The following KBTBD11 variants were observed in gnomAD, a reference collection of about 807,000 sequenced individuals.
KBTBD11 encodes the protein kelch repeat and BTB domain containing 11.
For synonymous variants in KBTBD11, 747 were observed against 499.0 expected (o/e 1.50, Z -6.63); for missense variants, 1,390 against 1,001.8 (o/e 1.39, Z -5.23).
chr8:1,999,772 C>T (rs3824142), intron 1 of KBTBD11, among the ~76,000 whole-genome samples: 3 of 152,022 alleles, frequency 2.0e-5, no homozygotes, highest in East Asian at 3.9e-4. Context: ...AGCATCCTAA[C>T]GCCTTTCTAC....
chr8:1,984,629 A>G (rs1246112448), intron 1 of KBTBD11, among the ~76,000 whole-genome samples: 1 of 150,092 alleles, frequency 6.7e-6, no homozygotes, highest in Non-Finnish European at 1.5e-5. Flanking sequence ...AAAGTCACAC[A>G]TGAACAGCTA....
At chr8:1,977,377 A>C (rs964235236) in intron 1 of KBTBD11, among the ~76,000 whole-genome samples, 2 of 151,876 alleles carry the variant, frequency 1.3e-5, no homozygotes, top group Admixed American at 6.6e-5. Context: ...GTGGGGACAT[A>C]CATATGGGTG....
intron 1 of KBTBD11, chr8:1,975,010 A>T (rs978624041): frequency 3.3e-5 from 5 of 152,264 alleles, no homozygotes; most frequent in African/African-American, 1.2e-4. Flanking sequence ...TCAGGCTCCA[A>T]TTAGGACCCC....
At chr8:1,999,369 A>T (rs894652815) in intron 1 of KBTBD11, among the ~76,000 whole-genome samples, 2 of 152,102 alleles carry the variant, frequency 1.3e-5, no homozygotes, top group Admixed American at 1.3e-4. Flanking sequence ...AGAGCTGAAC[A>T]CGCATTCTGT....
intron 1 of KBTBD11, among the ~76,000 whole-genome samples, chr8:1,984,279 G>GT (rs71211539): frequency 0.18 from 17,885 of 97,966 alleles, 2,919 homozygotes; most frequent in African/African-American, 0.21. Context: ...CTCTAAAAAA[G>GT]TTTTTTTTTT....
intron 1 of KBTBD11, among the ~76,000 whole-genome samples, chr8:1,982,490 C>T (rs533107029): frequency 1.5e-5 from 2 of 131,448 alleles, no homozygotes; most frequent in Non-Finnish European, 3.4e-5. Context: ...ATATAAGACC[C>T]CACTATATGC....
At chr8:1,986,824 A>C (rs1816718857) in intron 1 of KBTBD11, among the ~76,000 whole-genome samples, 1 of 152,130 alleles carries the variant, frequency 6.6e-6, no homozygotes, top group African/African-American at 2.4e-5. Flanking sequence ...ACTAAGATTT[A>C]ATACATGTTA....
intron 1 of KBTBD11, among the ~76,000 whole-genome samples, chr8:1,987,369 T>A (rs563138868): frequency 6.6e-6 from 1 of 152,154 alleles, no homozygotes; most frequent in African/African-American, 2.4e-5. Flanking sequence ...ACAAAACCCA[T>A]CTAGGAGTCG....
intron 1 of KBTBD11, among the ~76,000 whole-genome samples, chr8:1,980,227 A>ATTT (rs1816493598): frequency 3.3e-5 from 2 of 60,440 alleles, no homozygotes. Flanking sequence ...TGATAATCAA[A>ATTT]CTTTTTTTTT....
chr8:2,002,003 G>A lies in KBTBD11; in HGVS notation c.811G>A (p.Ala271Thr). 7.1e-7 allele frequency: 1 copy of A among 1,417,976 alleles called. No individual in the cohort carries two copies. 87.8% of individuals were successfully genotyped at this position (1,417,976 alleles called of 1,614,324 possible). ...CTATCTGGAGGTGCTGCGCGAGCCC[G>A]CCGTGTTCGGCCGCCTGTCGGGCGC... ...DHYLEVLREP[A>T]VFGRLSGAER... Residue 271 changes from alanine to threonine, a missense_variant, in exon 2 of 2, where the codon GCC becomes ACC. Transcript: ENST00000320248. The surrounding 1 kb of genome is among the most constrained non-coding windows in gnomAD (Gnocchi z 4.1).
chr8:1,997,397 T>C (rs1817181781), intron 1 of KBTBD11, among the ~76,000 whole-genome samples: 1 of 146,962 alleles, frequency 6.8e-6, no homozygotes, highest in Non-Finnish European at 1.5e-5. Context: ...TAATGGGTCA[T>C]TCTGGAAAAA....
At chr8:1,980,755 G>A (rs10102560) in intron 1 of KBTBD11, among the ~76,000 whole-genome samples, 1 of 152,136 alleles carries the variant, frequency 6.6e-6, no homozygotes, top group Non-Finnish European at 1.5e-5. Flanking sequence ...GGGGCAGCAT[G>A]TTTCCTACTG....
At chr8:1,974,368 A>G in intron 1 of KBTBD11, 3 of 984,368 alleles carry the variant, frequency 3.0e-6, no homozygotes, top group Non-Finnish European at 3.6e-6. Flanking sequence ...CCCAGCCGGC[A>G]CGGAAGCAGG....
In KBTBD11 at chr8:1,996,558, G is replaced by A. The variant is rs373111772; in HGVS notation, c.-908-3727G>A. 2.0e-5 allele frequency among the ~76,000 whole-genome samples: 3 copies of A among 152,030 alleles called. No individual in the cohort carries two copies. The South Asian group carries it at 6.2e-4, about 32-fold the overall frequency. ...GCTGGGATTACAGGCTTGAGCCACC[G>A]CGCCTGGCTGAAGGACTGAGAAGCA... is the stretch of plus-strand genomic sequence containing the variant. On this transcript the variant is annotated intron_variant, in intron 1 of 1. Coordinates refer to ENST00000320248, the MANE Select transcript of KBTBD11 (RefSeq NM_014867.3).
At chr8:1,988,737 T>G (rs373420206) in intron 1 of KBTBD11, among the ~76,000 whole-genome samples, 2 of 152,324 alleles carry the variant, frequency 1.3e-5, no homozygotes, top group African/African-American at 4.8e-5. Flanking sequence ...TTGAGCCCCA[T>G]GGGGCTGGGA....
chr8:2,001,044 A>C lies in KBTBD11; in HGVS notation c.-149A>C. 2 of 1,016,142 alleles carry C rather than the reference A, an allele frequency of 2.0e-6. No individual in the cohort carries two copies. Among genetic ancestry groups the C allele is most frequent in the Non-Finnish European group, 2.4e-6 (2 of 823,082 alleles). The allele number at this position is 1,016,142 out of a possible 1,614,324, so 62.9% of individuals were successfully genotyped here. On this transcript the variant is annotated 5_prime_UTR_variant, in exon 2 of 2. Transcript: ENST00000320248. ...TGAGATTCCCCCCTTCACACACACA[A>C]CAACAAAGCGTGGACACACAGAAGT... is the stretch of plus-strand genomic sequence containing the variant.
At chr8:1,981,092 T>C (rs1240894849) in intron 1 of KBTBD11, among the ~76,000 whole-genome samples, 1 of 152,200 alleles carries the variant, frequency 6.6e-6, no homozygotes, top group African/African-American at 2.4e-5. Flanking sequence ...TCAGTGAATT[T>C]CATAGCAGAA....
At chr8:1,993,556 CCCATCCAT>C (rs1184041692) in intron 1 of KBTBD11, among the ~76,000 whole-genome samples, 68 of 73,686 alleles carry the variant, frequency 9.2e-4, no homozygotes, top group African/African-American at 2.5e-3. Flanking sequence ...CACCCACCCA[CCCATCCAT>C]CCATCCATCC....
chr8:1,980,486 A>G (rs57778501), intron 1 of KBTBD11, among the ~76,000 whole-genome samples: 16,827 of 152,158 alleles, frequency 0.11, 1,520 homozygotes, highest in African/African-American at 0.25. Context: ...CGGCCTCCCA[A>G]AGTGCAGGGA....
Sources: gnomAD v4.1 joint callset for allele counts (sites outside exome capture counted in the v4.1 genomes callset) on GRCh38, gnomAD v4.1.1 for gene constraint, Gnocchi (gnomAD v3.1) non-coding constraint, MANE v1.5 for transcripts, NCBI Gene and HGNC (gene_info 2026-07-23, HGNC 2026-07-21) for gene names.